The following VPS13A variants were observed in gnomAD, a reference collection of about 807,000 sequenced individuals.
VPS13A encodes vacuolar protein sorting 13 homolog A.
Under a neutral mutation model 390.9 loss-of-function variants are expected in VPS13A, and 264 were observed. That is an observed-to-expected ratio of 0.68 (90% CI 0.61 to 0.75). The LOEUF is 0.75. VPS13A is among the 30% of genes least tolerant of loss of function. The pLI is 0.00. For synonymous variants in VPS13A, 1,231 were observed against 1,227.1 expected, an observed-to-expected ratio of 1.00 and a Z score of -0.07; for missense variants, 3,409 against 3,733.9, an observed-to-expected ratio of 0.91 and a Z score of 2.27.
At chr9:77,303,740 G>T (rs1449059488) in intron 34 of VPS13A, among the ~76,000 whole-genome samples, 1 of 152,196 alleles carries the variant, frequency 6.6e-6, no homozygotes, top group Non-Finnish European at 1.5e-5. Context: ...ACCATGAGTG[G>T]ACGTGCACGT....
intron 23 of VPS13A, among the ~76,000 whole-genome samples, chr9:77,260,896 A>G (rs1357487351): frequency 6.6e-6 from 1 of 151,320 alleles, no homozygotes; most frequent in Non-Finnish European, 1.5e-5. Flanking sequence ...ACATACATGT[A>G]TATATTCATT....
At chr9:77,306,192 A>G (rs908410145) in intron 34 of VPS13A, among the ~76,000 whole-genome samples, 13 of 152,174 alleles carry the variant, frequency 8.5e-5, no homozygotes, top group Non-Finnish European at 1.9e-4. Flanking sequence ...TAAAACACTA[A>G]ATTAGTGTGT....
At chr9:77,186,198 C>T (rs1376017364) in intron 1 of VPS13A, among the ~76,000 whole-genome samples, 1 of 152,192 alleles carries the variant, frequency 6.6e-6, no homozygotes. Flanking sequence ...TCTTACAATA[C>T]AGTATACAGA....
chr9:77,303,658 G>A (rs145454362), intron 34 of VPS13A, among the ~76,000 whole-genome samples: 134 of 152,194 alleles, frequency 8.8e-4, no homozygotes, highest in African/African-American at 2.1e-3. Flanking sequence ...AAGCAGGGTG[G>A]TAATAAGGAG....
intron 46 of VPS13A, among the ~76,000 whole-genome samples, chr9:77,336,184 C>T (rs1020515498): frequency 6.6e-6 from 1 of 152,052 alleles, no homozygotes; most frequent in Non-Finnish European, 1.5e-5. Flanking sequence ...AGGGGAACAT[C>T]ACTCCCTGGG....
intron 59 of VPS13A, among the ~76,000 whole-genome samples, chr9:77,363,096 TTTC>T (rs1280065040): frequency 6.6e-6 from 1 of 152,144 alleles, no homozygotes; most frequent in Non-Finnish European, 1.5e-5. Flanking sequence ...AATGCCTTTG[TTTC>T]TTCTTCTTCC....
At chr9:77,393,733 A>C (rs114483247) in intron 68 of VPS13A, among the ~76,000 whole-genome samples, 1 of 152,196 alleles carries the variant, frequency 6.6e-6, no homozygotes, top group East Asian at 1.9e-4. Context: ...TAAAATATTT[A>C]GTAAACTTTA....
chr9:77,381,892 A>T, intron 67 of VPS13A, 84 bp from the exon 68 acceptor site: 1 of 852,608 alleles, frequency 1.2e-6, no homozygotes. Context: ...CTGAAATAAG[A>T]TTGTTTTTAG....
chr9:77,399,197 A>AC (rs1563990895), intron 68 of VPS13A, among the ~76,000 whole-genome samples: 1 of 114,170 alleles, frequency 8.8e-6, no homozygotes, highest in Non-Finnish European at 1.9e-5. Context: ...AAAAAAAAAA[A>AC]AAAAAAAACA....
At chr9:77,350,846 T>A (rs938277518) in intron 52 of VPS13A, 15 of 174,872 alleles carry the variant, frequency 8.6e-5, no homozygotes, top group Non-Finnish European at 1.7e-4. Context: ...ACTTTTGTAA[T>A]GTTTTTTTCT....
intron 53 of VPS13A, 45 bp downstream of exon 53, chr9:77,351,491 AAAG>A (rs1396936057): frequency 6.2e-7 from 1 of 1,605,366 alleles, no homozygotes. Context: ...CTTTTTTAAA[AAAG>A]GTATTTGGGC....
intron 68 of VPS13A, chr9:77,390,100 C>G: frequency 1.0e-6 from 1 of 985,344 alleles, no homozygotes; most frequent in Non-Finnish European, 1.2e-6. Flanking sequence ...GTCAGATCAC[C>G]AGAGTAGTGC....
intron 1 of VPS13A, among the ~76,000 whole-genome samples, chr9:77,184,399 A>G (rs1824204371): frequency 6.6e-6 from 1 of 152,196 alleles, no homozygotes; most frequent in Non-Finnish European, 1.5e-5. Flanking sequence ...TGGCCAGATC[A>G]GTTGAGGCCA....
At position 77,321,168 on chromosome 9, in the gene VPS13A, G is replaced by C; in HGVS notation, c.5416-1G>C. On this transcript the variant is annotated splice_acceptor_variant, in intron 42 of 71. Coordinates refer to ENST00000360280, the MANE Select transcript of VPS13A (RefSeq NM_033305.3). LOFTEE classifies it high-confidence loss of function. ...TATATTTCTATGATTTATCATTTTA[G>C]ATGAAAAAGAAAGCAAAAATGGCCA... 1.2e-6 allele frequency: 2 copies of C among 1,611,000 alleles called. No individual in the cohort carries two copies.
At chr9:77,186,926 T>G (rs957575414) in intron 1 of VPS13A, among the ~76,000 whole-genome samples, 1 of 152,226 alleles carries the variant, frequency 6.6e-6, no homozygotes, top group Non-Finnish European at 1.5e-5. Context: ...TAACCGTTAT[T>G]CTACTTTTGA....
intron 65 of VPS13A, 144 bp from the exon 66 acceptor site, chr9:77,370,744 TTC>T: frequency 7.6e-7 from 1 of 1,322,566 alleles, no homozygotes; most frequent in Non-Finnish European, 1.1e-6. Context: ...CTCTAAAACA[TTC>T]TGTTTAAATA....
chr9:77,283,941 G>A (rs577956177), intron 31 of VPS13A, among the ~76,000 whole-genome samples: 9 of 150,628 alleles, frequency 6.0e-5, no homozygotes, highest in Non-Finnish European at 1.0e-4. Flanking sequence ...TTTTGGGAGA[G>A]AACCTAGTAA....
At chr9:77,365,595 T>C (rs757485346) in intron 60 of VPS13A, 22 bp downstream of exon 60, 12 of 1,475,232 alleles carry the variant, frequency 8.1e-6, no homozygotes, top group African/African-American at 1.4e-5. Flanking sequence ...TCATTTTTAT[T>C]GTCCTTGATA....
chr9:77,323,180 G>C lies in VPS13A; in HGVS notation c.5944G>C (p.Asp1982His). 1 of 1,613,532 alleles carries C rather than the reference G, an allele frequency of 6.2e-7. No homozygotes were observed. Among genetic ancestry groups the C allele is most frequent in the Non-Finnish European group, 8.5e-7 (1 of 1,179,606 alleles). Reference protein sequence around the residue: ...GVERSIVCQIDTVEGSKKVTI... With the variant: ...GVERSIVCQIHTVEGSKKVTI... ...TGAAAGATCTATTGTTTGTCAAATT[G>C]ATACAGTAGAAGGAAGTAAGAAGGT... Residue 1982 changes from aspartate to histidine, a missense_variant, in exon 45 of 72, where the codon GAT becomes CAT. Coordinates refer to ENST00000360280, the MANE Select transcript of VPS13A (RefSeq NM_033305.3).
Sources: allele counts gnomAD v4.1 joint callset (sites outside exome capture counted in the v4.1 genomes callset), GRCh38; gene constraint gnomAD v4.1.1; transcripts MANE v1.5; gene names NCBI Gene and HGNC (gene_info 2026-07-23, HGNC 2026-07-21).